PNLDC1: variants seen among roughly 807,000 people sequenced by gnomAD.
The protein encoded by PNLDC1 is PARN like ribonuclease domain containing exonuclease 1, also known as poly(A)-specific ribonuclease PNLDC1.
In PNLDC1, 70 loss-of-function variants were observed where a neutral mutation model predicts 82.0. The observed-to-expected ratio is 0.85, with a 90% CI of 0.70 to 1.04. PNLDC1 has a LOEUF of 1.04. Among genes scored for constraint, PNLDC1 ranks in the 50% least tolerant of loss-of-function variants. The pLI, the probability that PNLDC1 is intolerant of heterozygous loss-of-function variation, is 0.00. For synonymous variants in PNLDC1, 280 were observed against 249.3 expected (o/e 1.12, Z -1.16); for missense variants, 631 against 661.1 (o/e 0.95, Z 0.50).
chr6:159,805,187 C>A (rs759326470), intron 6 of PNLDC1, among the ~76,000 whole-genome samples: 17 of 152,184 alleles, frequency 1.1e-4, no homozygotes, highest in Non-Finnish European at 2.9e-5. Context: ...GCCCCAGTCT[C>A]CAAAACCTCG....
At chr6:159,811,423 C>T (rs1035853505) in intron 10 of PNLDC1, among the ~76,000 whole-genome samples, 58 of 152,152 alleles carry the variant, frequency 3.8e-4, no homozygotes, top group African/African-American at 1.2e-3. Flanking sequence ...CTTATCCCAT[C>T]GGCTAGAGCT....
chr6:159,815,654 CCG>C (rs993838505), intron 12 of PNLDC1, among the ~76,000 whole-genome samples: 2 of 152,156 alleles, frequency 1.3e-5, no homozygotes, highest in Non-Finnish European at 2.9e-5. Flanking sequence ...ATAATTGTCT[CCG>C]TAGTCGCTAG....
chr6:159,813,374 T>A (rs998601074), intron 11 of PNLDC1, among the ~76,000 whole-genome samples: 2 of 151,990 alleles, frequency 1.3e-5, no homozygotes, highest in African/African-American at 4.8e-5. Context: ...GTGTGTAGAG[T>A]TTTTTTCTAG....
At chr6:159,803,820 A>G (rs1029939947) in intron 4 of PNLDC1, 145 bp from the exon 5 acceptor site, 5 of 926,074 alleles carry the variant, frequency 5.4e-6, no homozygotes, top group Non-Finnish European at 8.0e-6. Context: ...CCCAGTGCCA[A>G]TCATAGCTCC....
At chr6:159,806,180 G>A in intron 7 of PNLDC1, 97 bp downstream of exon 7, 1 of 910,906 alleles carries the variant, frequency 1.1e-6, no homozygotes, top group Non-Finnish European at 1.8e-6. Flanking sequence ...TGGGATCCTG[G>A]TCCCAAGTGC....
At chr6:159,809,451 ATTT>A (rs71904720) in intron 9 of PNLDC1, among the ~76,000 whole-genome samples, 2 of 138,708 alleles carry the variant, frequency 1.4e-5, no homozygotes. Flanking sequence ...TACCTGGCTA[ATTT>A]TTTTTTTTTT....
At chr6:159,805,710 A>C in intron 6 of PNLDC1, 1 of 404,468 alleles carries the variant, frequency 2.5e-6, no homozygotes, top group South Asian at 2.6e-5. Context: ...TATTGGCTAG[A>C]TACCAATAGC....
Position 159,803,279 on chromosome 6 carries a change from G to C in PNLDC1, c.217G>C (p.Val73Leu). 1 of 1,614,076 alleles carries C rather than the reference G, an allele frequency of 6.2e-7. No individual in the cohort carries two copies. The highest frequency in any genetic ancestry group is 1.1e-5 in the South Asian group (1 of 91,082). ...TACGGTCATTCTTCCAGGATTGTCT[G>C]TGTTTTCCGCTATTGAAGGAGAGGC... ...QFTVCQIGLS[V>L]FSAIEGEANK... The change falls in exon 4 of 19, where the codon GTG becomes CTG. Residue 73 changes from valine (V) to leucine (L), a missense_variant. Val to Leu is a conservative substitution (Grantham distance 32). Transcript: ENST00000392167.
chr6:159,815,545 G>A (rs1781784405), intron 12 of PNLDC1, among the ~76,000 whole-genome samples: 1 of 152,200 alleles, frequency 6.6e-6, no homozygotes, highest in African/African-American at 2.4e-5. Context: ...ATTGGATCAT[G>A]TGGTTTGGGA....
At chr6:159,809,544 T>C (rs558833593) in intron 9 of PNLDC1, among the ~76,000 whole-genome samples, 2 of 151,850 alleles carry the variant, frequency 1.3e-5, no homozygotes, top group South Asian at 4.2e-4. Context: ...TCTGCCTGCC[T>C]TGGCCTCCTA....
At chr6:159,813,491 G>C in intron 11 of PNLDC1, 110 bp from the exon 12 acceptor site, 1 of 896,886 alleles carries the variant, frequency 1.1e-6, no homozygotes, top group South Asian at 1.4e-5. Flanking sequence ...AGAGGAGGTT[G>C]TAGGAGTGAG....
upstream of PNLDC1, chr6:159,800,208 A>T (rs905478719): frequency 1.7e-6 from 2 of 1,192,510 alleles, no homozygotes; most frequent in Non-Finnish European, 2.3e-6. Context: ...CCTGGTTTCC[A>T]TGTGTGCGCC....
rs1583174818 is a variant in PNLDC1 at position 159,810,158 on chromosome 6, TA to T, written c.853+64del. 9.2e-6 allele frequency: 13 copies of T among 1,416,558 alleles called. No homozygotes were observed. The East Asian group carries it at 3.0e-4, about 32-fold the overall frequency. The allele number at this position is 1,416,558 out of a possible 1,614,324, so 87.7% of individuals were successfully genotyped here. ...GTTTGCCATCTGGCAGAGGGATTGG[TA>T]CACAATCATACCCCTGAGGCAGCTC... On this transcript the variant is annotated intron_variant, in intron 10 of 18. Coordinates refer to ENST00000392167, the MANE Select transcript of PNLDC1 (RefSeq NM_001271862.2).
At chr6:159,818,421 C>A in intron 15 of PNLDC1, 134 bp from the exon 16 acceptor site, 1 of 750,738 alleles carries the variant, frequency 1.3e-6, no homozygotes, top group South Asian at 1.6e-5. Flanking sequence ...AGCCCCAAGA[C>A]TTGTGAGGGC....
chr6:159,819,537 T>G lies in PNLDC1; in HGVS notation c.1532+185T>G, dbSNP rs1781965070. ...TGCCGCGTGTCTGTCGAGCACCTGC[T>G]GTGCTGGGCACCATCGTAGTTCTAG... On this transcript the variant is annotated intron_variant, in intron 18 of 18. Transcript: ENST00000392167. The surrounding 1 kb of genome is among the most constrained non-coding windows in gnomAD (Gnocchi z 4.6). 6.6e-6 allele frequency among the ~76,000 whole-genome samples: 1 copy of G among 152,234 alleles called. No homozygotes were observed. Among genetic ancestry groups the G allele is most frequent in the Non-Finnish European group, 1.5e-5 (1 of 68,046 alleles).
At chr6:159,820,370 TG>T in intron 18 of PNLDC1, 83 bp from the exon 19 acceptor site, 1 of 1,301,798 alleles carries the variant, frequency 7.7e-7, no homozygotes, top group Non-Finnish European at 1.1e-6. Flanking sequence ...TGCACGGGGC[TG>T]GGAAGGAGGA....
chr6:159,801,332 A>G (rs1408173462), intron 3 of PNLDC1, 146 bp downstream of exon 3: 1 of 799,676 alleles, frequency 1.3e-6, no homozygotes, highest in Admixed American at 2.1e-5. Context: ...TTGTATACAT[A>G]TGGAAATCAA....
chr6:159,803,038 G>C (rs1229706133), intron 3 of PNLDC1, among the ~76,000 whole-genome samples: 12 of 152,108 alleles, frequency 7.9e-5, no homozygotes, highest in Admixed American at 6.5e-4. Context: ...ATTTACTTCT[G>C]TATTTGAAGA....
Position 159,803,277 on chromosome 6 carries a change from C to CT in PNLDC1, c.216dup (p.Val73CysfsTer6). 1 of 1,614,064 alleles carries CT rather than the reference C, an allele frequency of 6.2e-7. No individual in the cohort carries two copies. The highest frequency in any genetic ancestry group is 8.5e-7 in the Non-Finnish European group (1 of 1,179,936). Reference sequence around the variant, plus strand: ...TCTACGGTCATTCTTCCAGGATTGTCTGTGTTTTCCGCTATTGAAGGAGAG... The same window carrying CT: ...TCTACGGTCATTCTTCCAGGATTGTCTTGTGTTTTCCGCTATTGAAGGAGAG... On this transcript the variant is annotated frameshift_variant, in exon 4 of 19. Transcript: ENST00000392167. LOFTEE classifies it high-confidence loss of function.
Sources: allele counts gnomAD v4.1 joint callset (sites outside exome capture counted in the v4.1 genomes callset), GRCh38; gene constraint gnomAD v4.1.1; non-coding constraint Gnocchi (gnomAD v3.1); transcripts MANE v1.5; gene names NCBI Gene and HGNC (gene_info 2026-07-23, HGNC 2026-07-21).